Variants in FHOD3 observed in about 807,000 individuals in gnomAD.
FHOD3 encodes the protein FH1/FH2 domain-containing protein 3.
In FHOD3, 90 loss-of-function variants were observed where a neutral mutation model predicts 173.0. The observed-to-expected ratio is 0.52, with a 90% CI of 0.44 to 0.62. The LOEUF is 0.62. Ranked by LOEUF, FHOD3 falls within the 20% of genes least tolerant of loss-of-function variation. The pLI, the probability that FHOD3 is intolerant of heterozygous loss-of-function variation, is 0.00. For synonymous variants in FHOD3, 828 were observed against 823.0 expected, an observed-to-expected ratio of 1.01 and a Z score of -0.10; for missense variants, 1,945 against 2,034.7, an observed-to-expected ratio of 0.96 and a Z score of 0.85.
At chr18:36,760,002 A>G (rs1384959385) in intron 26 of FHOD3, among the ~76,000 whole-genome samples, 2 of 152,112 alleles carry the variant, frequency 1.3e-5, no homozygotes, top group Admixed American at 6.5e-5. Context: ...CCTGATACCA[A>G]TTCTTTTGGG....
At position 36,779,634 on chromosome 18, in the gene FHOD3, G is replaced by T; in HGVS notation, c.*104G>T. On this transcript the variant is annotated 3_prime_UTR_variant, in exon 29 of 29. Transcript: ENST00000590592. ...GGAGACTTGATATTCACATCCAACA[G>T]TTTGAAAAGGGAGAGCTCAATTCCC... The T allele has an allele frequency of 1.0e-6, 1 of 972,738 alleles. No individual in the cohort carries two copies. Among genetic ancestry groups the T allele is most frequent in the Admixed American group, 2.0e-5 (1 of 49,866 alleles). 60.3% of individuals were successfully genotyped at this position (972,738 alleles called of 1,614,324 possible). A position where few individuals can be genotyped will look rare whatever the true frequency, so the allele number is the denominator to read the frequency against.
intron 5 of FHOD3, among the ~76,000 whole-genome samples, chr18:36,542,886 T>A (rs2057280103): frequency 6.6e-6 from 1 of 152,172 alleles, no homozygotes; most frequent in Non-Finnish European, 1.5e-5. Flanking sequence ...CCTGTGAGGG[T>A]CATTTTTATG....
At chr18:36,727,233 GA>G (rs1178727870) in intron 19 of FHOD3, among the ~76,000 whole-genome samples, 2 of 152,210 alleles carry the variant, frequency 1.3e-5, no homozygotes, top group Non-Finnish European at 2.9e-5. Flanking sequence ...CTTTGGCTCA[GA>G]AGGACAATTC....
intron 14 of FHOD3, among the ~76,000 whole-genome samples, chr18:36,664,626 T>G (rs1280520408): frequency 1.3e-5 from 2 of 152,116 alleles, no homozygotes; most frequent in Non-Finnish European, 2.9e-5. Flanking sequence ...TACTGGAGAT[T>G]CTTTCTCCCA....
intron 1 of FHOD3, among the ~76,000 whole-genome samples, chr18:36,342,496 T>A (rs1297260968): frequency 6.6e-6 from 1 of 152,172 alleles, no homozygotes; most frequent in East Asian, 1.9e-4. Flanking sequence ...AGAAGAGATA[T>A]ATCAGACTTA....
chr18:36,329,258 C>A (rs2044848252), intron 1 of FHOD3, among the ~76,000 whole-genome samples: 1 of 152,182 alleles, frequency 6.6e-6, no homozygotes, highest in African/African-American at 2.4e-5. Context: ...GAAGAGTACA[C>A]AAGCACCTCT....
intron 17 of FHOD3, among the ~76,000 whole-genome samples, chr18:36,695,774 T>A (rs531160034): frequency 1.3e-5 from 2 of 152,360 alleles, no homozygotes; most frequent in East Asian, 3.9e-4. Flanking sequence ...GCAAAGTTGG[T>A]GTCACCAAGT....
chr18:36,581,700 G>A (rs370123288), intron 6 of FHOD3, among the ~76,000 whole-genome samples: 4 of 152,144 alleles, frequency 2.6e-5, no homozygotes, highest in African/African-American at 2.4e-5. Context: ...ATACATGCTC[G>A]TGCTCATGCG....
intron 20 of FHOD3, among the ~76,000 whole-genome samples, chr18:36,737,182 A>G (rs899908345): frequency 6.6e-6 from 1 of 152,226 alleles, no homozygotes; most frequent in Non-Finnish European, 1.5e-5. Flanking sequence ...TTGAACAAAT[A>G]GTATAAATTA....
At chr18:36,453,358 T>C (rs946911796) in intron 3 of FHOD3, among the ~76,000 whole-genome samples, 3 of 152,204 alleles carry the variant, frequency 2.0e-5, no homozygotes, top group Admixed American at 6.5e-5. Flanking sequence ...AAAAGAGGCT[T>C]CAAGAGTCAG....
In FHOD3 at chr18:36,718,642, A is replaced by C; in HGVS notation, c.3344A>C (p.Glu1115Ala). The C allele has an allele frequency of 1.9e-6, 3 of 1,614,186 alleles. No homozygotes were observed. The highest frequency in any genetic ancestry group is 2.5e-6 in the Non-Finnish European group (3 of 1,180,034). ...AGAGAATTCCTGTGGTCAAAACTGGAACCCATTAAGGTGGACACTTCCAGA... is the reference window on the plus strand; with the variant it reads ...AGAGAATTCCTGTGGTCAAAACTGGCACCCATTAAGGTGGACACTTCCAGA... ...RCREFLWSKL[E>A]PIKVDTSRLE... is the part of the protein sequence containing the mutation. Residue 1115 changes from glutamate to alanine, a missense_variant, in exon 19 of 29, where the codon GAA (glutamate) becomes GCA (alanine). Transcript: ENST00000590592.
chr18:36,607,043 G>A (rs868529120), intron 8 of FHOD3, among the ~76,000 whole-genome samples: 5 of 152,208 alleles, frequency 3.3e-5, no homozygotes, highest in South Asian at 2.1e-4. Flanking sequence ...CAGCTTTCGC[G>A]GGCTGGATTG....
chr18:36,498,953 C>T (rs2054880442), intron 3 of FHOD3, among the ~76,000 whole-genome samples: 1 of 152,082 alleles, frequency 6.6e-6, no homozygotes, highest in Non-Finnish European at 1.5e-5. Context: ...GAATCAGAAA[C>T]AATAATATGT....
intron 5 of FHOD3, among the ~76,000 whole-genome samples, chr18:36,515,417 A>G (rs2055914141): frequency 6.6e-6 from 1 of 151,990 alleles, no homozygotes; most frequent in African/African-American, 2.4e-5. Flanking sequence ...ATGGGGTTTC[A>G]CCATGTTAGC....
intron 3 of FHOD3, among the ~76,000 whole-genome samples, chr18:36,411,350 G>A (rs2049342621): frequency 6.6e-6 from 1 of 152,154 alleles, no homozygotes; most frequent in Non-Finnish European, 1.5e-5. Context: ...CCGTTGTGAA[G>A]AAAATTATCA....
At chr18:36,489,505 C>G (rs1415595390) in intron 3 of FHOD3, among the ~76,000 whole-genome samples, 1 of 152,092 alleles carries the variant, frequency 6.6e-6, no homozygotes, top group African/African-American at 2.4e-5. Context: ...TATCCTGTCT[C>G]TACAAAAAAT....
intron 17 of FHOD3, among the ~76,000 whole-genome samples, chr18:36,696,297 C>A (rs1332477708): frequency 1.3e-5 from 2 of 152,162 alleles, no homozygotes; most frequent in Non-Finnish European, 2.9e-5. Context: ...CCTTTGCTAA[C>A]CCTCTCACCA....
chr18:36,743,036 C>T (rs1168046702), intron 22 of FHOD3, among the ~76,000 whole-genome samples, 180 bp downstream of exon 22: 1 of 152,194 alleles, frequency 6.6e-6, no homozygotes, highest in Non-Finnish European at 1.5e-5. Flanking sequence ...CTAGGCCGGG[C>T]GCGGTGGCTC....
At chr18:36,556,690 G>A (rs2057900247) in intron 5 of FHOD3, among the ~76,000 whole-genome samples, 1 of 152,120 alleles carries the variant, frequency 6.6e-6, no homozygotes, top group Admixed American at 6.6e-5. Flanking sequence ...TGTTTAAGTA[G>A]CCAGCGACCT....
Sources: gnomAD v4.1 joint callset for allele counts (sites outside exome capture counted in the v4.1 genomes callset) on GRCh38, gnomAD v4.1.1 for gene constraint, MANE v1.5 for transcripts, NCBI Gene and HGNC (gene_info 2026-07-23, HGNC 2026-07-21) for gene names.